Variants in CYBB observed in about 807,000 individuals in gnomAD.
CYBB encodes the protein NADPH oxidase 2.
Under a neutral mutation model 46.5 loss-of-function variants are expected in CYBB, and 5 were observed. That is an observed-to-expected ratio of 0.11 (90% CI 0.06 to 0.23). The LOEUF (loss-of-function observed/expected upper bound fraction) is 0.23. CYBB is among the 10% of genes least tolerant of loss of function. The probability of loss-of-function intolerance (pLI) is 1.00; values close to 1 mark genes in which losing one functional copy is unlikely to be tolerated. For synonymous variants in CYBB, 183 were observed against 156.7 expected, an observed-to-expected ratio of 1.17 and a Z score of -1.26; for missense variants, 307 against 428.3, an observed-to-expected ratio of 0.72 and a Z score of 2.50.
chrX:37,797,392 G>A (rs898015270), intron 6 of CYBB, among the ~76,000 whole-genome samples: 10 of 111,350 alleles, frequency 9.0e-5, no homozygotes, highest in South Asian at 3.8e-4. Context: ...GTATGGTTTC[G>A]CAGATACTCA....
In CYBB at chrX:37,790,888, T is replaced by C. The variant is rs191810704; in HGVS notation, c.253-1087T>C. Among the ~76,000 whole-genome samples the C allele has an allele frequency of 3.5e-3, 395 of 111,883 alleles. 1 individual carries two copies. Among genetic ancestry groups the C allele is most frequent in the African/African-American group, 0.012 (375 of 30,839 alleles). On this transcript the variant is annotated intron_variant, in intron 3 of 12. Coordinates refer to ENST00000378588, the MANE Select transcript of CYBB (RefSeq NM_000397.4). ...TCTCTGTGACAGTGCATTTAGACTA[T>C]GGAACAAAGCAACCAGAGCAAGACA... is the stretch of plus-strand genomic sequence containing the variant.
chrX:37,789,514 A>G (rs182066097), intron 3 of CYBB, among the ~76,000 whole-genome samples: 1,768 of 89,046 alleles, frequency 0.02, 20 homozygotes, highest in Non-Finnish European at 0.031. Context: ...AGAAAGGAAG[A>G]AAGAAAGAAA....
intron 5 of CYBB, among the ~76,000 whole-genome samples, chrX:37,794,899 G>A (rs1192914025): frequency 9.0e-6 from 1 of 111,718 alleles, no homozygotes; most frequent in African/African-American, 3.3e-5. Flanking sequence ...ACTTACATGA[G>A]AAAAACTTGC....
At chrX:37,781,963 C>T in intron 1 of CYBB, 125 bp from the exon 2 acceptor site, 1 of 559,218 alleles carries the variant, frequency 1.8e-6, no homozygotes, top group Non-Finnish European at 3.2e-6. Context: ...TGGTTATATC[C>T]AGCTTTGTCA....
chrX:37,785,933 C>G (rs1556465440), intron 3 of CYBB, among the ~76,000 whole-genome samples: 2 of 111,375 alleles, frequency 1.8e-5, no homozygotes, highest in African/African-American at 6.5e-5. Flanking sequence ...TCCTGTGACC[C>G]AGGAGGGAAG....
chrX:37,792,229 T>C (rs782298741), intron 4 of CYBB, among the ~76,000 whole-genome samples, 170 bp downstream of exon 4: 7 of 111,821 alleles, frequency 6.3e-5, no homozygotes, highest in Non-Finnish European at 1.3e-4. Flanking sequence ...GCCACTTCAA[T>C]ATTAGGATTT....
At position 37,793,896 on chromosome X, in the gene CYBB, C is replaced by CA; in HGVS notation, c.483+86_483+87insA. 34 of 909,928 alleles carry CA rather than the reference C, an allele frequency of 3.7e-5. No individual in the cohort carries two copies. In the Admixed American group the frequency reaches 4.1e-4, roughly 11 times the overall value. The allele number at this position is 909,928 out of a possible 1,213,427, so 75.0% of individuals were successfully genotyped here. A position where few individuals can be genotyped will look rare whatever the true frequency, so the allele number is the denominator to read the frequency against. ...TCAGTGAGTGAAGACCTCTCCTTTG[C>CA]CAAAAAAAAAAAAAGTTGGCTAACC... On this transcript the variant is annotated intron_variant, in intron 5 of 12. Transcript: ENST00000378588.
At chrX:37,805,444 C>T (rs782725094) in intron 10 of CYBB, among the ~76,000 whole-genome samples, 1 of 112,049 alleles carries the variant, frequency 8.9e-6, no homozygotes, top group African/African-American at 3.2e-5. Context: ...TTCACAGCCC[C>T]AACTTAATAG....
intron 11 of CYBB, 39 bp downstream of exon 11, chrX:37,806,572 T>G (rs1556471746): frequency 8.6e-7 from 1 of 1,165,251 alleles, no homozygotes; most frequent in Non-Finnish European, 1.2e-6. Context: ...CTTCCCATAG[T>G]GTACAGGGCT....
intron 7 of CYBB, among the ~76,000 whole-genome samples, chrX:37,800,252 T>G (rs1929408230): frequency 9.0e-6 from 1 of 111,631 alleles, no homozygotes; most frequent in Non-Finnish European, 1.9e-5. Flanking sequence ...CTGGCTCCAT[T>G]CAGTGGGGCT....
intron 1 of CYBB, 104 bp from the exon 2 acceptor site, chrX:37,781,984 C>A: frequency 1.5e-6 from 1 of 652,069 alleles, no homozygotes; most frequent in South Asian, 2.2e-5. Context: ...CTACCTTTGT[C>A]AAAGTTGGAC....
chrX:37,787,389 A>G (rs1213609633), intron 3 of CYBB, among the ~76,000 whole-genome samples: 1 of 111,844 alleles, frequency 8.9e-6, no homozygotes, highest in Non-Finnish European at 1.9e-5. Context: ...AAAGTGTTAC[A>G]CCCCATAAAA....
chrX:37,791,499 C>T (rs1464589519), intron 3 of CYBB, among the ~76,000 whole-genome samples: 1 of 111,470 alleles, frequency 9.0e-6, no homozygotes, highest in Non-Finnish European at 1.9e-5. Context: ...CCTTCTTTCT[C>T]CTCTCATAGT....
At chrX:37,803,390 C>T (rs1258787964) in intron 8 of CYBB, among the ~76,000 whole-genome samples, 2 of 110,932 alleles carry the variant, frequency 1.8e-5, no homozygotes, top group African/African-American at 6.5e-5. Context: ...AATTTTTTAG[C>T]ACTTTTTTGA....
rs782150170 is a variant in CYBB at position 37,803,903 on chromosome X, C to T, written c.924C>T (p.Ile308=). 4 of 1,210,178 alleles carry T rather than the reference C, an allele frequency of 3.3e-6. No individual in the cohort carries two copies. Among genetic ancestry groups the T allele is most frequent in the South Asian group, 3.5e-5 (2 of 56,961 alleles). ...TKVVTHPFKT[I]ELQMKKKGFK... ...TGGTCACTCACCCTTTCAAAACCAT[C>T]GAGCTACAGATGAAGAAGAAGGGGT... Residue 308 remains isoleucine (I), a synonymous_variant, in exon 9 of 13, where the codon ATC becomes ATT. Transcript: ENST00000378588.
intron 3 of CYBB, among the ~76,000 whole-genome samples, chrX:37,789,526 A>T (rs868979140): frequency 9.6e-6 from 1 of 104,279 alleles, no homozygotes; most frequent in Admixed American, 1.0e-4. Context: ...AGAAAGAAAG[A>T]AAATAAATAA....
intron 11 of CYBB, among the ~76,000 whole-genome samples, chrX:37,806,896 C>CTG (rs72172606): frequency 0.048 from 5,109 of 106,314 alleles, 306 homozygotes; most frequent in African/African-American, 0.16. Flanking sequence ...CTCTCTGTCT[C>CTG]TGTGTGTGTG....
intron 5 of CYBB, among the ~76,000 whole-genome samples, 171 bp downstream of exon 5, chrX:37,793,981 A>G (rs1394805493): frequency 3.1e-4 from 34 of 109,793 alleles, no homozygotes; most frequent in African/African-American, 9.3e-4. Context: ...TGTCTCCCAC[A>G]CTCCTCACCT....
Position 37,799,097 on chromosome X carries a change from C to T in CYBB, c.804+13C>T, listed in dbSNP as rs782137081. On this transcript the variant is annotated intron_variant, in intron 7 of 12. Coordinates refer to ENST00000378588, the MANE Select transcript of CYBB (RefSeq NM_000397.4). ...AAACCCTCCTATGGTATGTACAATTCATTGTTGTTATTACAGTTTCATTAC... is the reference window on the plus strand; with the variant it reads ...AAACCCTCCTATGGTATGTACAATTTATTGTTGTTATTACAGTTTCATTAC... The T allele has an allele frequency of 8.3e-7, 1 of 1,198,775 alleles. No homozygotes were observed. Among genetic ancestry groups the T allele is most frequent in the Middle Eastern group, 2.3e-4 (1 of 4,320 alleles).
Sources: gnomAD v4.1 joint callset for allele counts (sites outside exome capture counted in the v4.1 genomes callset) on GRCh38, gnomAD v4.1.1 for gene constraint, MANE v1.5 for transcripts, NCBI Gene and HGNC (gene_info 2026-07-23, HGNC 2026-07-21) for gene names.